HRH1: variants seen among roughly 807,000 people sequenced by gnomAD.
The protein encoded by HRH1 is histamine receptor H1.
A neutral mutation model predicts 10.3 loss-of-function variants in HRH1; 6 were observed. The observed-to-expected ratio is 0.58, with a 90% CI of 0.32 to 1.15. The LOEUF is 1.15. Ranked by LOEUF, HRH1 falls within the 50% of genes most tolerant of loss-of-function variation. HRH1 has a pLI of 0.05. For missense variants in HRH1, 514 were observed against 615.3 expected (o/e 0.84, Z 1.74); for synonymous variants, 242 against 236.7 (o/e 1.02, Z -0.21).
Position 11,259,022 on chromosome 3 carries a change from G to A in HRH1, c.-16G>A, listed in dbSNP as rs201887631. ...TCCCAGGGAGTGAGCCATAACTGGT[G>A]GCTGCTCTTGCGCCAATGAGCCTCC... On this transcript the variant is annotated 5_prime_UTR_variant, in exon 2 of 2. Transcript: ENST00000431010. The surrounding 1 kb of genome is among the most constrained non-coding windows in gnomAD (Gnocchi z 4.6). 78 of 1,567,394 alleles carry A rather than the reference G, an allele frequency of 5.0e-5. No homozygotes were observed. The highest frequency in any genetic ancestry group is 6.1e-5 in the Non-Finnish European group (71 of 1,156,346).
At chr3:11,201,812 G>A (rs1310271698) in intron 1 of HRH1, among the ~76,000 whole-genome samples, 1 of 152,180 alleles carries the variant, frequency 6.6e-6, no homozygotes, top group Non-Finnish European at 1.5e-5. Context: ...AATAAAAGCG[G>A]GGACCTTGCC....
At chr3:11,169,116 A>T (rs1937105200) in intron 1 of HRH1, among the ~76,000 whole-genome samples, 1 of 152,184 alleles carries the variant, frequency 6.6e-6, no homozygotes, top group Non-Finnish European at 1.5e-5. Flanking sequence ...AGTTTGAATC[A>T]CGGCTCTGCC....
In HRH1 at chr3:11,260,290, G is replaced by C; in HGVS notation, c.1253G>C (p.Gly418Ala). 6.2e-7 allele frequency: 1 copy of C among 1,614,190 alleles called. No homozygotes were observed. The highest frequency in any genetic ancestry group is 8.5e-7 in the Non-Finnish European group (1 of 1,180,006). The stretch of plus-strand genomic sequence containing the variant: ...GAAAGGAAGGCCGCCAAACAGTTGG[G>C]TTTTATCATGGCAGCCTTCATCCTC... ...NRERKAAKQL[G>A]FIMAAFILCW... is the part of the protein sequence containing the mutation. Residue 418 changes from glycine to alanine, a missense_variant, in exon 2 of 2, where the codon GGT (glycine) becomes GCT (alanine). Transcript: ENST00000431010.
At chr3:11,143,096 CAG>C (rs1034047476) in intron 1 of HRH1, among the ~76,000 whole-genome samples, 2 of 152,008 alleles carry the variant, frequency 1.3e-5, no homozygotes, top group African/African-American at 4.8e-5. Flanking sequence ...GAGGTGAGGA[CAG>C]AGGGGACGCA....
chr3:11,228,057 A>G (rs772418166), intron 1 of HRH1, among the ~76,000 whole-genome samples: 37 of 152,256 alleles, frequency 2.4e-4, no homozygotes, highest in Admixed American at 9.2e-4. Flanking sequence ...ATGAATTAGC[A>G]TAACATGAAA....
upstream of HRH1, among the ~76,000 whole-genome samples, chr3:11,153,377 C>T (rs1055406993): frequency 6.6e-6 from 1 of 152,128 alleles, no homozygotes; most frequent in South Asian, 2.1e-4. Context: ...GAAAAAGGAC[C>T]ATGGACCTAC....
At chr3:11,199,747 C>T (rs1387094829) in intron 1 of HRH1, among the ~76,000 whole-genome samples, 1 of 152,212 alleles carries the variant, frequency 6.6e-6, no homozygotes, top group Non-Finnish European at 1.5e-5. Flanking sequence ...GCATGCTTGG[C>T]TGAAGAGATG....
chr3:11,212,038 G>A (rs1367814267), intron 1 of HRH1, among the ~76,000 whole-genome samples: 6 of 152,104 alleles, frequency 3.9e-5, no homozygotes, highest in African/African-American at 1.4e-4. Context: ...GGGGAGGGGG[G>A]CAGCCAATCA....
chr3:11,157,557 G>A (rs1936836443), intron 1 of HRH1, among the ~76,000 whole-genome samples: 1 of 152,284 alleles, frequency 6.6e-6, no homozygotes, highest in African/African-American at 2.4e-5. Flanking sequence ...GCCATTAATG[G>A]TTGTAGAGGA....
At chr3:11,144,313 A>T in intron 1 of HRH1, among the ~76,000 whole-genome samples, 1 of 130,574 alleles carries the variant, frequency 7.7e-6, no homozygotes, top group African/African-American at 3.1e-5. Flanking sequence ...GTGTCCATCA[A>T]TGGAAAATTG....
At chr3:11,138,457 C>G (rs544186489) in intron 1 of HRH1, among the ~76,000 whole-genome samples, 9 of 152,078 alleles carry the variant, frequency 5.9e-5, no homozygotes, top group Non-Finnish European at 1.2e-4. Context: ...TTCACACTCA[C>G]TAGGAGGGCT....
chr3:11,212,955 G>A (rs2125035391), intron 1 of HRH1, among the ~76,000 whole-genome samples: 1 of 152,238 alleles, frequency 6.6e-6, no homozygotes, highest in East Asian at 1.9e-4. Flanking sequence ...TGCATAGGCT[G>A]TTCCCACCTC....
At chr3:11,202,740 C>T (rs961215872) in intron 1 of HRH1, among the ~76,000 whole-genome samples, 13 of 152,324 alleles carry the variant, frequency 8.5e-5, no homozygotes, top group African/African-American at 2.9e-4. Flanking sequence ...TTTGTTACCA[C>T]GGATGAGCCT....
rs1383474628 is a variant in HRH1, at chr3:11,259,006, G to A, written c.-32G>A. 11 of 1,550,862 alleles carry A rather than the reference G, an allele frequency of 7.1e-6. No homozygotes were observed. The highest frequency in any genetic ancestry group is 1.4e-5 in the African/African-American group (1 of 72,922). On this transcript the variant is annotated 5_prime_UTR_variant, in exon 2 of 2. The change creates a new upstream start codon in the 5' untranslated region. Coordinates refer to ENST00000431010, the MANE Select transcript of HRH1 (RefSeq NM_001098212.2). The surrounding 1 kb of genome is among the most constrained non-coding windows in gnomAD (Gnocchi z 4.6). ...CTTTTTCTCTCTTTTCTCCCAGGGA[G>A]TGAGCCATAACTGGTGGCTGCTCTT...
At chr3:11,166,560 CTGTCCCCTAGA>C (rs1937036279) in intron 1 of HRH1, among the ~76,000 whole-genome samples, 1 of 151,710 alleles carries the variant, frequency 6.6e-6, no homozygotes, top group African/African-American at 2.4e-5. Context: ...CTGACATCTG[CTGTCCCCTAGA>C]TTCTCCAGGC....
intron 1 of HRH1, among the ~76,000 whole-genome samples, chr3:11,236,598 G>A (rs1939187131): frequency 6.6e-6 from 1 of 152,202 alleles, no homozygotes; most frequent in Non-Finnish European, 1.5e-5. Flanking sequence ...TTGATGGAAG[G>A]AAGGGAGAAT....
At chr3:11,172,483 T>C (rs1480285984) in intron 1 of HRH1, among the ~76,000 whole-genome samples, 14 of 152,262 alleles carry the variant, frequency 9.2e-5, no homozygotes, top group Non-Finnish European at 8.8e-5. Context: ...AGAATAGAAA[T>C]TGGAACCCTC....
At chr3:11,147,924 G>A (rs1364492990) in intron 1 of HRH1, among the ~76,000 whole-genome samples, 4 of 152,098 alleles carry the variant, frequency 2.6e-5, no homozygotes, top group African/African-American at 7.2e-5. Flanking sequence ...GCTCACGCCT[G>A]TAATCCCAGC....
At chr3:11,234,789 T>G (rs1939133068) in intron 1 of HRH1, among the ~76,000 whole-genome samples, 1 of 152,240 alleles carries the variant, frequency 6.6e-6, no homozygotes, top group Non-Finnish European at 1.5e-5. Context: ...GGGTTCTTAT[T>G]TCAATTATTA....
Sources: gnomAD v4.1 joint callset for allele counts (sites outside exome capture counted in the v4.1 genomes callset) on GRCh38, gnomAD v4.1.1 for gene constraint, Gnocchi (gnomAD v3.1) non-coding constraint, MANE v1.5 for transcripts, NCBI Gene and HGNC (gene_info 2026-07-23, HGNC 2026-07-21) for gene names.